Variants in HLTF observed in about 807,000 individuals in gnomAD.
HLTF encodes the protein DNA-dependent ATPase/E3 ubiquitin-protein ligase HLTF.
In HLTF, 127 loss-of-function variants were observed where a neutral mutation model predicts 129.4. That is an observed-to-expected ratio of 0.98 (90% CI 0.85 to 1.14). HLTF has a LOEUF of 1.14. HLTF is among the 50% of genes most tolerant of loss of function. The probability of loss-of-function intolerance (pLI) is 0.00; values close to 1 mark genes in which losing one functional copy is unlikely to be tolerated. For synonymous variants in HLTF, 332 were observed against 388.8 expected (o/e 0.85, Z 1.72); for missense variants, 1,139 against 1,187.1 (o/e 0.96, Z 0.60).
chr3:149,077,199 G>C (rs1292974910), intron 2 of HLTF, among the ~76,000 whole-genome samples: 2 of 152,012 alleles, frequency 1.3e-5, no homozygotes, highest in East Asian at 3.9e-4. Context: ...AGTGAGCCAA[G>C]ATAGTGCCCC....
Position 149,042,225 on chromosome 3 carries a change from C to G in HLTF, c.2138G>C (p.Arg713Pro). The G allele has an allele frequency of 1.2e-6, 2 of 1,613,146 alleles. No homozygotes were observed. Among genetic ancestry groups the G allele is most frequent in the Non-Finnish European group, 1.7e-6 (2 of 1,179,270 alleles). The change falls in exon 19 of 25, where the codon CGG (arginine) becomes CCG (proline). Residue 713 changes from arginine (R) to proline (P), a missense_variant. Physicochemically the swap from Arg to Pro is moderately radical, Grantham distance 103. Transcript: ENST00000310053. The stretch of plus-strand genomic sequence containing the variant: ...AAGGTAAGTATGGCAACAAATTTGC[C>G]GCAGTCTAAGCAAAAGACCCAGGAC... ...ADVLGLLLRL[R>P]QICCHTYLLT...
intron 8 of HLTF, among the ~76,000 whole-genome samples, chr3:149,067,101 T>C (rs931125855): frequency 1.3e-5 from 2 of 151,960 alleles, no homozygotes; most frequent in Non-Finnish European, 2.9e-5. Flanking sequence ...TCCTCTCTAG[T>C]AACATTTATT....
chr3:149,054,293 T>C (rs960045968), intron 14 of HLTF, among the ~76,000 whole-genome samples: 14 of 152,032 alleles, frequency 9.2e-5, no homozygotes, highest in African/African-American at 3.4e-4. Context: ...CTTTTAAAGA[T>C]GCATATCAAG....
At chr3:149,046,042 C>T (rs780715352) in intron 18 of HLTF, 38 bp downstream of exon 18, 1 of 1,515,026 alleles carries the variant, frequency 6.6e-7, no homozygotes, top group Non-Finnish European at 9.0e-7. Flanking sequence ...ACAAAGTAAA[C>T]AAAAACTAAT....
rs777075595 is a variant in HLTF at position 149,040,123 on chromosome 3, T to C, written c.2410A>G (p.Ile804Val). ...HAKCPLCRND[I>V]HEDNLLECPP... ...CATTCTAATAAATTATCTTCATGTATATCATTTCTGCATAAAGGGCATTTA... is the reference window on the plus strand; with the variant it reads ...CATTCTAATAAATTATCTTCATGTACATCATTTCTGCATAAAGGGCATTTA... Residue 804 changes from isoleucine (I) to valine (V), a missense_variant, in exon 21 of 25, where the codon ATA becomes GTA. Transcript: ENST00000310053. 22 of 1,608,990 alleles carry C rather than the reference T, an allele frequency of 1.4e-5. No individual in the cohort carries two copies. Among genetic ancestry groups the C allele is most frequent in the East Asian group, 1.1e-4 (5 of 44,742 alleles).
intron 23 of HLTF, among the ~76,000 whole-genome samples, chr3:149,036,475 G>A (rs1715642751): frequency 6.6e-6 from 1 of 151,864 alleles, no homozygotes; most frequent in East Asian, 2.0e-4. Context: ...TTTTAGTAGA[G>A]ACGGGGTTTC....
intron 5 of HLTF, among the ~76,000 whole-genome samples, chr3:149,072,626 G>A (rs73164928): frequency 0.022 from 3,309 of 152,188 alleles, 59 homozygotes; most frequent in Admixed American, 0.027. Flanking sequence ...AGAAGTAACC[G>A]GGGGCTTATC....
chr3:149,041,282 G>A lies in HLTF; in HGVS notation c.2376+208C>T, dbSNP rs114332582. ...ATTGAACAGCAATGATATAAACAGC[G>A]GAATTAAGATATTGACTGTGAACAT... On this transcript the variant is annotated intron_variant, in intron 20 of 24. Transcript: ENST00000310053. Among the ~76,000 whole-genome samples the A allele has an allele frequency of 6.1e-3, 933 of 152,082 alleles. 11 individuals are homozygous for A. The highest frequency in any genetic ancestry group is 0.022 in the African/African-American group (898 of 41,484).
intron 24 of HLTF, among the ~76,000 whole-genome samples, chr3:149,033,475 A>G (rs950864113): frequency 2.0e-5 from 3 of 152,132 alleles, no homozygotes; most frequent in Non-Finnish European, 4.4e-5. Context: ...GGTCATCAGA[A>G]CATTTTACCC....
At chr3:149,044,211 C>A (rs1212723377) in intron 18 of HLTF, among the ~76,000 whole-genome samples, 1 of 152,056 alleles carries the variant, frequency 6.6e-6, no homozygotes, top group South Asian at 2.1e-4. Context: ...GCACTAAGAT[C>A]AATGTATAAC....
chr3:149,086,174 G>A (rs1464622995), intron 1 of HLTF, 143 bp downstream of exon 1: 3 of 871,544 alleles, frequency 3.4e-6, no homozygotes, highest in Non-Finnish European at 3.8e-6. Context: ...TTATTTCTCC[G>A]GCGGCCACAT....
intron 14 of HLTF, among the ~76,000 whole-genome samples, chr3:149,054,747 T>C (rs964218126): frequency 3.3e-5 from 5 of 152,218 alleles, no homozygotes; most frequent in African/African-American, 7.2e-5. Flanking sequence ...ATTCAAAATG[T>C]TGGAGACTAT....
intron 5 of HLTF, among the ~76,000 whole-genome samples, chr3:149,072,218 G>A (rs1030136449): frequency 2.0e-5 from 3 of 152,132 alleles, no homozygotes; most frequent in African/African-American, 7.2e-5. Context: ...TTTAAGTCCC[G>A]AGTTTCAGTC....
intron 13 of HLTF, among the ~76,000 whole-genome samples, chr3:149,058,379 T>C (rs568288270): frequency 6.6e-6 from 1 of 152,186 alleles, no homozygotes; most frequent in African/African-American, 2.4e-5. Context: ...TTAATTTGCA[T>C]CTCCCCAATA....
intron 2 of HLTF, among the ~76,000 whole-genome samples, chr3:149,077,930 G>A (rs187126485): frequency 6.7e-4 from 102 of 152,056 alleles, no homozygotes; most frequent in African/African-American, 1.5e-3. Flanking sequence ...GACCACACAC[G>A]ATAAAGGATA....
Position 149,038,398 on chromosome 3 carries a change from C to A in HLTF, c.2796+651G>T, listed in dbSNP as rs76445146. Among the ~76,000 whole-genome samples the A allele has an allele frequency of 4.5e-3, 680 of 152,314 alleles. 8 individuals carry two copies. Among genetic ancestry groups the A allele is most frequent in the African/African-American group, 0.015 (642 of 41,560 alleles). On this transcript the variant is annotated intron_variant, in intron 23 of 24. Coordinates refer to ENST00000310053, the MANE Select transcript of HLTF (RefSeq NM_003071.4). Reference sequence around the variant, plus strand: ...TAGCATAATAGTACTTAAATATTTACATGGACTATGATTCTGGTTTTGCCT... The same window carrying A: ...TAGCATAATAGTACTTAAATATTTAAATGGACTATGATTCTGGTTTTGCCT...
rs1484258381 is a variant in HLTF, at chr3:149,031,005, T to TA, written c.*1214dup. 2 of 152,202 alleles carry TA rather than the reference T, an allele frequency of 1.3e-5. No homozygotes were observed. Among genetic ancestry groups the TA allele is most frequent in the African/African-American group, 4.8e-5 (2 of 41,450 alleles). 9.4% of individuals were successfully genotyped at this position (152,202 alleles called of 1,614,324 possible). ...CAAACATGAAGCTTCTCTTGTTTGT[T>TA]AGAGTAATTAATCTTTCTTTGGATT... is the stretch of plus-strand genomic sequence containing the variant. On this transcript the variant is annotated 3_prime_UTR_variant, in exon 25 of 25. Coordinates refer to ENST00000310053, the MANE Select transcript of HLTF (RefSeq NM_003071.4).
intron 8 of HLTF, 130 bp downstream of exon 8, chr3:149,068,110 T>G: frequency 1.8e-6 from 1 of 551,974 alleles, no homozygotes; most frequent in Non-Finnish European, 3.3e-6. Flanking sequence ...CAGCAACACA[T>G]AAAAGACAGA....
intron 12 of HLTF, 70 bp downstream of exon 12, chr3:149,060,573 G>A: frequency 4.1e-6 from 5 of 1,232,816 alleles, no homozygotes; most frequent in Non-Finnish European, 5.8e-6. Flanking sequence ...AACCTAGCGA[G>A]ATACAAATCA....
Sources: gnomAD v4.1 joint callset for allele counts (sites outside exome capture counted in the v4.1 genomes callset) on GRCh38, gnomAD v4.1.1 for gene constraint, MANE v1.5 for transcripts, NCBI Gene and HGNC (gene_info 2026-07-23, HGNC 2026-07-21) for gene names.